TAS2R1: variants seen among roughly 807,000 people sequenced by gnomAD.
TAS2R1 encodes taste 2 receptor member 1.
For missense variants in TAS2R1, 370 were observed against 353.4 expected (o/e 1.05, Z -0.38); for synonymous variants, 141 against 134.2 (o/e 1.05, Z -0.35).
the TAS2R1 span, among the ~76,000 whole-genome samples, chr5:9,750,365 C>A: frequency 6.6e-6 from 1 of 152,178 alleles, no homozygotes. Flanking sequence ...CAAACTTAAA[C>A]TCCAGCCTAG....
intron 1 of TAS2R1, among the ~76,000 whole-genome samples, chr5:9,707,110 C>T (rs1314622998): frequency 6.6e-6 from 1 of 152,016 alleles, no homozygotes; most frequent in East Asian, 1.9e-4. Flanking sequence ...AGTCACTGCC[C>T]CAGAGCCAAG....
the TAS2R1 span, among the ~76,000 whole-genome samples, chr5:9,810,108 G>C: frequency 2.6e-5 from 4 of 152,168 alleles, no homozygotes; most frequent in African/African-American, 9.7e-5. Context: ...TGGGAGGCAG[G>C]ACAAGTCTAC....
chr5:9,854,411 T>C, the TAS2R1 span: 1 of 152,176 alleles, frequency 6.6e-6, no homozygotes. Flanking sequence ...CCCCAACATG[T>C]AAATCTGGAG....
chr5:9,643,721 A>C (rs1315276285), intron 2 of TAS2R1, among the ~76,000 whole-genome samples: 2 of 152,198 alleles, frequency 1.3e-5, no homozygotes, highest in Non-Finnish European at 2.9e-5. Flanking sequence ...AAATGTTGTT[A>C]TATGGTGCAC....
chr5:9,750,967 G>A, the TAS2R1 span, among the ~76,000 whole-genome samples: 1 of 151,892 alleles, frequency 6.6e-6, no homozygotes, highest in Admixed American at 6.6e-5. Flanking sequence ...ATACGTATAT[G>A]ATGATTGATT....
the TAS2R1 span, among the ~76,000 whole-genome samples, chr5:9,726,717 G>A: frequency 1.3e-5 from 2 of 152,222 alleles, no homozygotes; most frequent in African/African-American, 4.8e-5. Context: ...CATTCTTGAA[G>A]TCAGTGAGAC....
At chr5:9,796,456 C>T in the TAS2R1 span, among the ~76,000 whole-genome samples, 2 of 152,120 alleles carry the variant, frequency 1.3e-5, no homozygotes, top group Non-Finnish European at 2.9e-5. Context: ...GGACTTTATG[C>T]ATCATACTGC....
At chr5:9,795,683 T>C in the TAS2R1 span, among the ~76,000 whole-genome samples, 1 of 152,148 alleles carries the variant, frequency 6.6e-6, no homozygotes, top group African/African-American at 2.4e-5. Context: ...AAGAAGTTTT[T>C]CAAGTTCATC....
intron 1 of TAS2R1, among the ~76,000 whole-genome samples, chr5:9,676,913 C>A (rs1158632299): frequency 6.6e-6 from 1 of 152,038 alleles, no homozygotes; most frequent in East Asian, 1.9e-4. Flanking sequence ...GGGTTTTTAC[C>A]CAAAGAAATA....
chr5:9,665,460 C>T (rs1326193017), intron 1 of TAS2R1, among the ~76,000 whole-genome samples: 2 of 152,206 alleles, frequency 1.3e-5, no homozygotes, highest in Admixed American at 6.5e-5. Context: ...TCTTGGGCCA[C>T]GATTCTGCTT....
chr5:9,729,346 T>G, the TAS2R1 span, among the ~76,000 whole-genome samples: 1 of 152,188 alleles, frequency 6.6e-6, no homozygotes, highest in Admixed American at 6.5e-5. Flanking sequence ...GGTGGGCAAG[T>G]TGATCTGGCC....
Position 9,629,319 on chromosome 5 carries a change from G to A in TAS2R1, c.714C>T (p.Phe238=). Residue 238 remains phenylalanine (F), a synonymous_variant, in exon 1 of 1, where the codon TTC becomes TTT. Transcript: ENST00000382492. ...GAAAAACTTTTATCATGCAGTGGGA[G>A]AAGTAGAGGATCAGGAAGGACAGGA... The part of the protein sequence containing the change: ...LSILSFLILY[F]SHCMIKVFLS... 14 of 1,613,714 alleles carry A rather than the reference G, an allele frequency of 8.7e-6. No homozygotes were observed. Among genetic ancestry groups the A allele is most frequent in the Non-Finnish European group, 1.2e-5 (14 of 1,179,878 alleles).
At chr5:9,801,050 G>C in the TAS2R1 span, among the ~76,000 whole-genome samples, 5 of 152,166 alleles carry the variant, frequency 3.3e-5, no homozygotes, top group African/African-American at 1.2e-4. Flanking sequence ...AAATTAGGCT[G>C]GCATGGTGGC....
chr5:9,724,988 T>C, the TAS2R1 span, among the ~76,000 whole-genome samples: 4 of 152,226 alleles, frequency 2.6e-5, no homozygotes, highest in Non-Finnish European at 4.4e-5. Context: ...TTGAAACACA[T>C]TGGTGCTGTG....
chr5:9,692,031 C>T (rs535656457), intron 1 of TAS2R1, among the ~76,000 whole-genome samples: 1 of 152,298 alleles, frequency 6.6e-6, no homozygotes, highest in East Asian at 1.9e-4. Flanking sequence ...TCCTCTCATC[C>T]CCATGAAGAG....
At chr5:9,898,767 C>G in the TAS2R1 span, among the ~76,000 whole-genome samples, 1 of 152,192 alleles carries the variant, frequency 6.6e-6, no homozygotes, top group Non-Finnish European at 1.5e-5. Flanking sequence ...CATGTAGCAG[C>G]TGGGCCCTCC....
chr5:9,781,563 A>G, the TAS2R1 span, among the ~76,000 whole-genome samples: 1 of 152,190 alleles, frequency 6.6e-6, no homozygotes, highest in Non-Finnish European at 1.5e-5. Flanking sequence ...CCTGCCCAGG[A>G]GGCCTCCAGA....
upstream of TAS2R1, among the ~76,000 whole-genome samples, chr5:9,633,266 A>AGTG (rs879432972): frequency 2.2e-3 from 265 of 121,670 alleles, 1 homozygote; most frequent in African/African-American, 8.9e-3. Context: ...AGTATTCCAT[A>AGTG]GTGTGTGTGT....
the TAS2R1 span, among the ~76,000 whole-genome samples, chr5:9,758,510 C>T: frequency 1.3e-5 from 2 of 152,074 alleles, no homozygotes; most frequent in Non-Finnish European, 2.9e-5. Flanking sequence ...TCTAAAAGAA[C>T]CCAACAAAGA....
Sources: allele counts gnomAD v4.1 joint callset (sites outside exome capture counted in the v4.1 genomes callset), GRCh38; gene constraint gnomAD v4.1.1; transcripts MANE v1.5; gene names NCBI Gene and HGNC (gene_info 2026-07-23, HGNC 2026-07-21).